The following NINL variants were observed in gnomAD, a reference collection of about 807,000 sequenced individuals.
The protein encoded by NINL is ninein-like protein.
Under a neutral mutation model 160.3 loss-of-function variants are expected in NINL, and 153 were observed. That is an observed-to-expected ratio of 0.95 (90% CI 0.84 to 1.09). NINL has a LOEUF of 1.09. NINL is among the 50% of genes least tolerant of loss of function. The pLI is 0.00. For missense variants in NINL, 1,829 were observed against 1,764.0 expected, an observed-to-expected ratio of 1.04 and a Z score of -0.66; for synonymous variants, 800 against 734.8, an observed-to-expected ratio of 1.09 and a Z score of -1.43.
At chr20:25,503,028 A>G (rs1047504445) in intron 7 of NINL, among the ~76,000 whole-genome samples, 14 of 152,244 alleles carry the variant, frequency 9.2e-5, no homozygotes, top group Non-Finnish European at 1.3e-4. Context: ...GCTGGGGCAT[A>G]TCACAGCACA....
chr20:25,522,454 C>A (rs2064280303), intron 2 of NINL, among the ~76,000 whole-genome samples: 1 of 152,162 alleles, frequency 6.6e-6, no homozygotes, highest in Non-Finnish European at 1.5e-5. Flanking sequence ...AAAGCTGTTT[C>A]CACATTTTTC....
At chr20:25,544,227 TG>T (rs988243083) in intron 1 of NINL, among the ~76,000 whole-genome samples, 9 of 151,878 alleles carry the variant, frequency 5.9e-5, no homozygotes, top group African/African-American at 2.2e-4. Flanking sequence ...TGACGATGAG[TG>T]GCCCCAGGCA....
At chr20:25,489,499 A>G (rs2063575897) in intron 12 of NINL, among the ~76,000 whole-genome samples, 175 bp from the exon 13 acceptor site, 1 of 150,978 alleles carries the variant, frequency 6.6e-6, no homozygotes, top group African/African-American at 2.4e-5. Context: ...AGAAGGTCAC[A>G]AGACAGAAGG....
intron 2 of NINL, among the ~76,000 whole-genome samples, chr20:25,521,540 A>G (rs1171196248): frequency 6.6e-6 from 1 of 152,194 alleles, no homozygotes; most frequent in Non-Finnish European, 1.5e-5. Flanking sequence ...GAAAAATTTC[A>G]GATTTGGGAT....
At chr20:25,549,702 G>A (rs890079619) in intron 1 of NINL, among the ~76,000 whole-genome samples, 2 of 152,222 alleles carry the variant, frequency 1.3e-5, no homozygotes, top group African/African-American at 4.8e-5. Context: ...GCTGAGCAGT[G>A]TCAGCACGGA....
At chr20:25,479,779 C>T (rs796610850) in intron 15 of NINL, among the ~76,000 whole-genome samples, 3 of 152,322 alleles carry the variant, frequency 2.0e-5, no homozygotes, top group African/African-American at 4.8e-5. Context: ...TGGCCCTGGC[C>T]TCAAAGCCAC....
rs1250148283 is a variant in NINL, at chr20:25,476,620, G to A, written c.2671C>T (p.Pro891Ser). ...QAQDTEATQS[P>S]APAPAPASHG... ...GATGCCGGGGCAGGGGCGGGGGCCG[G>A]GCTCTGCGTAGCTTCTGTGTCCTGG... The change falls in exon 17 of 24, where the codon CCG (proline) becomes TCG (serine). Residue 891 changes from proline to serine, a missense_variant. Coordinates refer to ENST00000278886, the MANE Select transcript of NINL (RefSeq NM_025176.6). 6.3e-7 allele frequency: 1 copy of A among 1,593,154 alleles called. No individual in the cohort carries two copies. The highest frequency in any genetic ancestry group is 1.3e-5 in the African/African-American group (1 of 74,866).
chr20:25,500,107 G>GT (rs1190745537), intron 8 of NINL, among the ~76,000 whole-genome samples: 1 of 152,120 alleles, frequency 6.6e-6, no homozygotes, highest in Non-Finnish European at 1.5e-5. Context: ...TATTTAATAG[G>GT]TTTTTGTTCA....
intron 1 of NINL, chr20:25,539,898 C>A: frequency 4.5e-6 from 2 of 442,598 alleles, no homozygotes; most frequent in Non-Finnish European, 8.1e-6. Flanking sequence ...CTCTCAGGAC[C>A]AAGACATTCA....
At chr20:25,471,836 A>G (rs1180950008) in intron 17 of NINL, among the ~76,000 whole-genome samples, 2 of 152,212 alleles carry the variant, frequency 1.3e-5, no homozygotes, top group African/African-American at 2.4e-5. Context: ...GGCTCTTTAT[A>G]TTCCCAGAGA....
chr20:25,554,641 A>C (rs371740044), intron 1 of NINL, among the ~76,000 whole-genome samples: 43 of 110,474 alleles, frequency 3.9e-4, no homozygotes, highest in Middle Eastern at 4.8e-3. Context: ...AAAAACAAAA[A>C]AAAAAAAAAA....
intron 2 of NINL, 116 bp downstream of exon 2, chr20:25,526,292 G>A: frequency 1.1e-6 from 1 of 926,344 alleles, no homozygotes; most frequent in South Asian, 1.8e-5. Context: ...TGTTCCATTT[G>A]CTAATAACTT....
chr20:25,537,244 G>A (rs543579994), intron 1 of NINL, among the ~76,000 whole-genome samples: 1 of 152,066 alleles, frequency 6.6e-6, no homozygotes, highest in African/African-American at 2.4e-5. Flanking sequence ...CACCCTGCCT[G>A]GCTACTTTTA....
chr20:25,543,175 A>G (rs1460911535), intron 1 of NINL, among the ~76,000 whole-genome samples: 1 of 152,074 alleles, frequency 6.6e-6, no homozygotes, highest in African/African-American at 2.4e-5. Flanking sequence ...AGACACACAC[A>G]CCCCCCTCCC....
intron 1 of NINL, among the ~76,000 whole-genome samples, chr20:25,560,378 C>G (rs142646579): frequency 2.6e-5 from 4 of 152,134 alleles, no homozygotes; most frequent in Admixed American, 2.6e-4. Context: ...CAACTTCCTA[C>G]GTGGCCAATC....
intron 1 of NINL, among the ~76,000 whole-genome samples, chr20:25,578,042 G>C (rs990804946): frequency 1.3e-5 from 2 of 151,390 alleles, no homozygotes; most frequent in African/African-American, 4.9e-5. Flanking sequence ...ACGTTGGTCA[G>C]GCTGGTCTTG....
chr20:25,570,656 T>C (rs1333819481), intron 1 of NINL, among the ~76,000 whole-genome samples: 1 of 150,236 alleles, frequency 6.7e-6, no homozygotes, highest in Admixed American at 6.6e-5. Context: ...TTTTTTTTTT[T>C]AGCTTTTCCA....
At chr20:25,563,705 ATT>A (rs1291014488) in intron 1 of NINL, among the ~76,000 whole-genome samples, 1 of 152,188 alleles carries the variant, frequency 6.6e-6, no homozygotes. Flanking sequence ...TGCAAATAAT[ATT>A]TTTTAATGTG....
chr20:25,535,290 G>A (rs1208624243), intron 1 of NINL, among the ~76,000 whole-genome samples: 1 of 152,066 alleles, frequency 6.6e-6, no homozygotes, highest in East Asian at 1.9e-4. Flanking sequence ...GTTGGGTAGG[G>A]GTGCAAAGTT....
Sources: allele counts gnomAD v4.1 joint callset (sites outside exome capture counted in the v4.1 genomes callset), GRCh38; gene constraint gnomAD v4.1.1; transcripts MANE v1.5; gene names NCBI Gene and HGNC (gene_info 2026-07-23, HGNC 2026-07-21).